The following PHF20L1 variants were observed in gnomAD, a reference collection of about 807,000 sequenced individuals.
PHF20L1 encodes the protein PHD finger protein 20 like 1, also known as PHD finger protein 20-like protein 1.
Under a neutral mutation model 125.5 loss-of-function variants are expected in PHF20L1, and 44 were observed. The observed-to-expected ratio is 0.35, with a 90% CI of 0.28 to 0.45. The LOEUF (loss-of-function observed/expected upper bound fraction) is 0.45, where lower values mean the gene tolerates loss of function less well. Among genes scored for constraint, PHF20L1 ranks in the 20% least tolerant of loss-of-function variants. PHF20L1 has a pLI of 1.00. For synonymous variants in PHF20L1, 380 were observed against 403.1 expected, an observed-to-expected ratio of 0.94 and a Z score of 0.69; for missense variants, 1,012 against 1,217.2, an observed-to-expected ratio of 0.83 and a Z score of 2.51.
chr8:132,778,434 C>T (rs1398499545), intron 2 of PHF20L1, among the ~76,000 whole-genome samples: 1 of 152,216 alleles, frequency 6.6e-6, no homozygotes, highest in Non-Finnish European at 1.5e-5. Context: ...CTCCTATTTT[C>T]CCTGGTGGGC....
intron 15 of PHF20L1, among the ~76,000 whole-genome samples, chr8:132,835,230 C>G (rs78615926): frequency 2.0e-5 from 3 of 152,172 alleles, no homozygotes; most frequent in African/African-American, 7.2e-5. Context: ...TTCTTGCTGT[C>G]ATGGATTCTG....
intron 15 of PHF20L1, 81 bp downstream of exon 15, chr8:132,832,480 A>G (rs1836880111): frequency 2.0e-6 from 2 of 980,156 alleles, no homozygotes; most frequent in Non-Finnish European, 3.0e-6. Context: ...CTCTGTTAAG[A>G]GCATGCGATT....
intron 10 of PHF20L1, chr8:132,816,521 A>T (rs532331340): frequency 5.1e-5 from 9 of 175,550 alleles, no homozygotes; most frequent in East Asian, 3.5e-4. Flanking sequence ...ATATATATAT[A>T]TTTTTCCTTA....
Position 132,842,544 on chromosome 8 carries a change from G to A in PHF20L1, c.2417G>A (p.Trp806Ter). Residue 806 changes from tryptophan (W) to a stop codon, truncating the protein, a stop_gained, in exon 19 of 21, where the codon TGG (tryptophan) becomes TAG (stop). Coordinates refer to ENST00000395386, the MANE Select transcript of PHF20L1 (RefSeq NM_016018.5). LOFTEE classifies it high-confidence loss of function. ...KNKHHPDLHL[W>*]ACSGKRKDQD... ...AAACATCATCCTGACCTTCATCTCT[G>A]GGCTTGTTCCGGGAAGCGAAAAGAC... is the stretch of plus-strand genomic sequence containing the variant. 2 of 1,608,092 alleles carry A rather than the reference G, an allele frequency of 1.2e-6. No individual in the cohort carries two copies. Among genetic ancestry groups the A allele is most frequent in the Non-Finnish European group, 1.7e-6 (2 of 1,178,110 alleles).
chr8:132,777,950 A>G, intron 2 of PHF20L1, 39 bp downstream of exon 2: 2 of 1,195,480 alleles, frequency 1.7e-6, no homozygotes, highest in Non-Finnish European at 2.5e-6. Flanking sequence ...ATATCACAAT[A>G]TCTGTAGCCT....
At chr8:132,833,271 T>A (rs1836975064) in intron 15 of PHF20L1, among the ~76,000 whole-genome samples, 1 of 152,094 alleles carries the variant, frequency 6.6e-6, no homozygotes, top group Non-Finnish European at 1.5e-5. Flanking sequence ...AAATGTTTGC[T>A]TTTGCACCGT....
Position 132,787,344 on chromosome 8 carries a change from G to T in PHF20L1, c.84-7066G>T, listed in dbSNP as rs149914713. Among the ~76,000 whole-genome samples the T allele has an allele frequency of 2.1e-3, 315 of 152,148 alleles. 2 individuals are homozygous for T. Among genetic ancestry groups the T allele is most frequent in the African/African-American group, 6.3e-3 (263 of 41,528 alleles). ...TAATTTGCAAAGTACCTGCCACAAG[G>T]TTCTAAAAGAGAAGACATAGCTAAT... On this transcript the variant is annotated intron_variant, in intron 2 of 20. Transcript: ENST00000395386.
chr8:132,848,075 C>G lies in PHF20L1; in HGVS notation c.*2152C>G, dbSNP rs1587123989. 1 of 151,894 alleles carries G rather than the reference C, an allele frequency of 6.6e-6. No homozygotes were observed. The highest frequency in any genetic ancestry group is 2.4e-5 in the African/African-American group (1 of 41,360). 9.4% of individuals were successfully genotyped at this position (151,894 alleles called of 1,614,324 possible). Reference sequence around the variant, plus strand: ...GATTCTTGTCACACACACAGAAGACCCTTTGTACCTAGTAACATTCATCCT... The same window carrying G: ...GATTCTTGTCACACACACAGAAGACGCTTTGTACCTAGTAACATTCATCCT... On this transcript the variant is annotated 3_prime_UTR_variant, in exon 21 of 21. Transcript: ENST00000395386.
At chr8:132,778,619 T>C (rs1830085866) in intron 2 of PHF20L1, among the ~76,000 whole-genome samples, 1 of 152,160 alleles carries the variant, frequency 6.6e-6, no homozygotes, top group African/African-American at 2.4e-5. Context: ...AACTACTATC[T>C]GGAAAGGAGA....
At chr8:132,813,110 C>T in intron 9 of PHF20L1, 1 of 970,118 alleles carries the variant, frequency 1.0e-6, no homozygotes, top group Non-Finnish European at 1.2e-6. Flanking sequence ...TGTTTTATAA[C>T]TTTGTAACTT....
In PHF20L1 at chr8:132,812,932, C is replaced by T. The variant is rs563500473; in HGVS notation, c.931-1705C>T. On this transcript the variant is annotated intron_variant, in intron 9 of 20. Coordinates refer to ENST00000395386, the MANE Select transcript of PHF20L1 (RefSeq NM_016018.5). ...TGTGGTCTTGAACCCCAATTCTCAG[C>T]TTATTAATTATAGATTATTTAATTG... 4,234 of 957,206 alleles carry T rather than the reference C, an allele frequency of 4.4e-3. 15 individuals are homozygous for T. The highest frequency in any genetic ancestry group is 5.1e-3 in the Non-Finnish European group (4,096 of 804,300). The allele number at this position is 957,206 out of a possible 1,614,324, so 59.3% of individuals were successfully genotyped here.
chr8:132,836,921 C>T (rs1195759955), intron 16 of PHF20L1, among the ~76,000 whole-genome samples, 200 bp downstream of exon 16: 1 of 152,118 alleles, frequency 6.6e-6, no homozygotes, highest in African/African-American at 2.4e-5. Context: ...TAGCATCTCT[C>T]TTCCTTTTCT....
chr8:132,828,726 T>C (rs1836461303), intron 14 of PHF20L1, among the ~76,000 whole-genome samples: 1 of 152,098 alleles, frequency 6.6e-6, no homozygotes. Context: ...GTGTCATCTT[T>C]GCCAGTTTTT....
chr8:132,839,850 A>T (rs918672763), intron 18 of PHF20L1, among the ~76,000 whole-genome samples: 3 of 152,134 alleles, frequency 2.0e-5, no homozygotes, highest in Non-Finnish European at 4.4e-5. Context: ...ACTGTTTTGT[A>T]TGCTTACCGT....
At position 132,795,739 on chromosome 8, in the gene PHF20L1, CTATA is replaced by C. The variant is rs528776777; in HGVS notation, c.340+927_340+930del. On this transcript the variant is annotated intron_variant, in intron 4 of 20. Transcript: ENST00000395386. ...TTGAAACTTTGGAAACTACTGAACC[CTATA>C]TATACTATGTTTTTTCCTATACTGT... 4.9e-4 allele frequency among the ~76,000 whole-genome samples: 74 copies of C among 152,080 alleles called. 1 individual carries two copies. Among genetic ancestry groups the C allele is most frequent in the African/African-American group, 1.6e-3 (68 of 41,502 alleles).
chr8:132,841,919 A>C (rs893927935), intron 18 of PHF20L1: 1 of 152,312 alleles, frequency 6.6e-6, no homozygotes, highest in South Asian at 2.1e-4. Context: ...AGTAAAAGTA[A>C]GGGAAATCTA....
intron 6 of PHF20L1, among the ~76,000 whole-genome samples, chr8:132,800,779 C>T (rs781208294): frequency 8.6e-5 from 13 of 151,536 alleles, no homozygotes; most frequent in Non-Finnish European, 1.8e-4. Context: ...CTTCTGCTTG[C>T]ATTAAGAGTT....
At chr8:132,832,467 G>A (rs970163337) in intron 15 of PHF20L1, 68 bp downstream of exon 15, 22 of 1,148,016 alleles carry the variant, frequency 1.9e-5, no homozygotes, top group African/African-American at 1.1e-4. Flanking sequence ...AGAATAAAAC[G>A]TACTCTGTTA....
intron 2 of PHF20L1, among the ~76,000 whole-genome samples, chr8:132,783,296 T>A (rs931190158): frequency 6.6e-6 from 1 of 152,144 alleles, no homozygotes; most frequent in Non-Finnish European, 1.5e-5. Flanking sequence ...CAGTATAAAT[T>A]TGAATTGGCA....
Sources: allele counts gnomAD v4.1 joint callset (sites outside exome capture counted in the v4.1 genomes callset), GRCh38; gene constraint gnomAD v4.1.1; transcripts MANE v1.5; gene names NCBI Gene and HGNC (gene_info 2026-07-23, HGNC 2026-07-21).